CNBD2: variants seen among roughly 807,000 people sequenced by gnomAD.
CNBD2 encodes cyclic nucleotide-binding domain-containing protein 2.
Under a neutral mutation model 63.7 loss-of-function variants are expected in CNBD2, and 64 were observed. That is an observed-to-expected ratio of 1.00 (90% CI 0.82 to 1.24). The LOEUF (loss-of-function observed/expected upper bound fraction) is 1.24. CNBD2 is among the 50% of genes most tolerant of loss of function. The pLI is 0.00. For synonymous variants in CNBD2, 229 were observed against 255.4 expected (o/e 0.90, Z 0.99); for missense variants, 691 against 713.5 (o/e 0.97, Z 0.36).
At position 36,001,325 on chromosome 20, in the gene CNBD2, C is replaced by T. The variant is rs1243992820; in HGVS notation, c.970+6173C>T. 1.8e-3 allele frequency among the ~76,000 whole-genome samples: 255 copies of T among 145,576 alleles called. 1 individual carries two copies. The highest frequency in any genetic ancestry group is 2.2e-3 in the Non-Finnish European group (143 of 66,418). On this transcript the variant is annotated intron_variant, in intron 8 of 11. Transcript: ENST00000373973. ...CCCAGTAGGGGCGGCCGGGCAGAGGCGCCCCTCACCTCCTGGGCGGGGCGG... is the reference window on the plus strand; with the variant it reads ...CCCAGTAGGGGCGGCCGGGCAGAGGTGCCCCTCACCTCCTGGGCGGGGCGG...
chr20:36,007,118 GGTGGAGCTTGCA>G (rs1465152501), intron 8 of CNBD2, among the ~76,000 whole-genome samples: 1 of 152,092 alleles, frequency 6.6e-6, no homozygotes, highest in Non-Finnish European at 1.5e-5. Flanking sequence ...GAACCTGGGA[GGTGGAGCTTGCA>G]GTGAGCAGAG....
intron 8 of CNBD2, among the ~76,000 whole-genome samples, chr20:36,007,859 G>A (rs1163438206): frequency 6.6e-6 from 1 of 152,144 alleles, no homozygotes; most frequent in Non-Finnish European, 1.5e-5. Context: ...GGGCTCTGAT[G>A]CTTATATGAC....
intron 10 of CNBD2, among the ~76,000 whole-genome samples, chr20:36,019,760 T>G (rs923335821): frequency 4.6e-5 from 7 of 151,838 alleles, no homozygotes; most frequent in African/African-American, 1.2e-4. Flanking sequence ...CGGCATGAGA[T>G]TTATTTGATC....
intron 1 of CNBD2, among the ~76,000 whole-genome samples, chr20:35,970,817 G>A (rs745330075): frequency 6.6e-6 from 1 of 152,248 alleles, no homozygotes; most frequent in African/African-American, 2.4e-5. Flanking sequence ...CTGGGCTCAA[G>A]CAATCCTTCT....
At chr20:35,989,188 G>C (rs1197083087) in intron 7 of CNBD2, among the ~76,000 whole-genome samples, 2 of 152,170 alleles carry the variant, frequency 1.3e-5, no homozygotes, top group African/African-American at 4.8e-5. Context: ...GCAGAGGCAG[G>C]GTTCAACCCA....
chr20:36,014,715 T>A (rs1339804548), intron 10 of CNBD2, among the ~76,000 whole-genome samples: 1 of 152,094 alleles, frequency 6.6e-6, no homozygotes, highest in Non-Finnish European at 1.5e-5. Context: ...CACTGCAGCC[T>A]TGAACTCCTG....
At chr20:35,999,279 A>G (rs1348488638) in intron 8 of CNBD2, among the ~76,000 whole-genome samples, 1 of 152,194 alleles carries the variant, frequency 6.6e-6, no homozygotes, top group Non-Finnish European at 1.5e-5. Context: ...GAGATGCCTA[A>G]TCATTGACAT....
At chr20:35,988,121 C>T (rs559920960) in intron 7 of CNBD2, among the ~76,000 whole-genome samples, 8 of 152,212 alleles carry the variant, frequency 5.3e-5, no homozygotes, top group East Asian at 1.9e-4. Flanking sequence ...CTGCCTGCCT[C>T]GGCCTCCCAA....
chr20:35,965,183 CTTTT>C (rs369573397), upstream of CNBD2, among the ~76,000 whole-genome samples: 1 of 138,016 alleles, frequency 7.2e-6, no homozygotes. Flanking sequence ...CCCTCTCTCT[CTTTT>C]TTTTTTTTTT....
intron 1 of CNBD2, among the ~76,000 whole-genome samples, chr20:35,971,664 C>T (rs1418094571): frequency 1.3e-5 from 2 of 152,204 alleles, no homozygotes; most frequent in East Asian, 3.9e-4. Flanking sequence ...GATTCACCCG[C>T]CTTGGCCTCC....
chr20:35,972,107 A>C (rs1219070401), intron 1 of CNBD2, among the ~76,000 whole-genome samples: 1 of 152,218 alleles, frequency 6.6e-6, no homozygotes, highest in African/African-American at 2.4e-5. Context: ...TTCTAAAATC[A>C]AGGTGTGAGC....
chr20:35,957,452 G>A (rs1412935489), downstream of CNBD2, among the ~76,000 whole-genome samples: 3 of 152,112 alleles, frequency 2.0e-5, no homozygotes, highest in African/African-American at 7.2e-5. Flanking sequence ...GCTGGGCTCG[G>A]TGGCTCATGC....
At chr20:36,027,489 A>C (rs1027343955) in intron 11 of CNBD2, among the ~76,000 whole-genome samples, 1 of 152,164 alleles carries the variant, frequency 6.6e-6, no homozygotes, top group African/African-American at 2.4e-5. Flanking sequence ...GGGTTACAGG[A>C]TGATTTTAGG....
chr20:36,006,937 C>T (rs1012773685), intron 8 of CNBD2, among the ~76,000 whole-genome samples: 1 of 152,032 alleles, frequency 6.6e-6, no homozygotes, highest in Admixed American at 6.6e-5. Context: ...TGCCTGTAAT[C>T]CTAGCACTCT....
In CNBD2 at chr20:35,980,678, G is replaced by A. The variant is rs550338767; in HGVS notation, c.407+56G>A. The A allele has an allele frequency of 1.9e-4, 300 of 1,561,958 alleles. 2 individuals carry two copies. The highest frequency in any genetic ancestry group is 1.8e-3 in the Admixed American group (101 of 56,932). On this transcript the variant is annotated intron_variant, in intron 4 of 11. Transcript: ENST00000373973. ...GGCTGAGGCTGGACTGAGCAAAAGA[G>A]CCTGGCTGAGAAGGTGTGGCAGGTC...
At chr20:36,029,587 G>A (rs952338741) in intron 11 of CNBD2, among the ~76,000 whole-genome samples, 1 of 152,126 alleles carries the variant, frequency 6.6e-6, no homozygotes, top group Non-Finnish European at 1.5e-5. Context: ...TTTCATGAGC[G>A]GGTGGCAGCT....
Position 35,975,971 on chromosome 20 carries a change from C to T in CNBD2, c.212C>T (p.Thr71Ile). Residue 71 changes from threonine (T) to isoleucine (I), a missense_variant, in exon 3 of 12, where the codon ACA becomes ATA. Coordinates refer to ENST00000373973, the MANE Select transcript of CNBD2 (RefSeq NM_001365709.1). The stretch of plus-strand genomic sequence containing the variant: ...CAGAAAAAGATGCAAAGCCGAGTCA[C>T]ATTTGATACCATGGACTTCATTGCA... The part of the protein sequence containing the change: ...FWDKKMQSRV[T>I]FDTMDFIAEE... 6.2e-7 allele frequency: 1 copy of T among 1,613,352 alleles called. No homozygotes were observed. Among genetic ancestry groups the T allele is most frequent in the Non-Finnish European group, 8.5e-7 (1 of 1,179,366 alleles).
chr20:35,971,022 A>C (rs2056407749), intron 1 of CNBD2, among the ~76,000 whole-genome samples: 1 of 140,690 alleles, frequency 7.1e-6, no homozygotes, highest in Admixed American at 7.5e-5. Context: ...ATCTCGGCTC[A>C]CTGCAAGCTC....
intron 7 of CNBD2, 137 bp downstream of exon 7, chr20:35,987,670 C>T (rs1392018303): frequency 1.0e-6 from 1 of 979,952 alleles, no homozygotes; most frequent in Non-Finnish European, 1.5e-6. Flanking sequence ...GTTTCCATGT[C>T]CCAGCTGTAA....
Sources: allele counts gnomAD v4.1 joint callset (sites outside exome capture counted in the v4.1 genomes callset), GRCh38; gene constraint gnomAD v4.1.1; transcripts MANE v1.5; gene names NCBI Gene and HGNC (gene_info 2026-07-23, HGNC 2026-07-21).